FAM83F: variants seen among roughly 807,000 people sequenced by gnomAD.
FAM83F encodes scaffolding CK1 anchoring protein F.
A neutral mutation model predicts 42.9 loss-of-function variants in FAM83F; 45 were observed. The observed-to-expected ratio is 1.05, with a 90% CI of 0.83 to 1.35. The LOEUF is 1.35. Among genes scored for constraint, FAM83F ranks in the 40% most tolerant of loss-of-function variants. The pLI is 0.00. For missense variants in FAM83F, 617 were observed against 695.9 expected, an observed-to-expected ratio of 0.89 and a Z score of 1.28; for synonymous variants, 306 against 298.3, an observed-to-expected ratio of 1.03 and a Z score of -0.27.
At chr22:40,013,432 T>C (rs2067477757) in intron 1 of FAM83F, among the ~76,000 whole-genome samples, 1 of 152,236 alleles carries the variant, frequency 6.6e-6, no homozygotes, top group Non-Finnish European at 1.5e-5. Context: ...TGTGTGTGGG[T>C]ATACATGTAT....
chr22:40,000,104 C>CT (rs1422342972), intron 1 of FAM83F, among the ~76,000 whole-genome samples: 1 of 152,222 alleles, frequency 6.6e-6, no homozygotes, highest in Admixed American at 6.5e-5. Flanking sequence ...TGAAAACTGT[C>CT]TTCTATTGGC....
chr22:40,015,082 T>C (rs1411586386), intron 1 of FAM83F, among the ~76,000 whole-genome samples: 1 of 152,084 alleles, frequency 6.6e-6, no homozygotes, highest in Non-Finnish European at 1.5e-5. Context: ...ATGGGCATGT[T>C]TGTGTGTGTG....
intron 1 of FAM83F, among the ~76,000 whole-genome samples, chr22:40,014,789 A>G (rs1414693214): frequency 2.0e-5 from 3 of 152,186 alleles, no homozygotes; most frequent in Non-Finnish European, 4.4e-5. Context: ...ATCTCTAGGA[A>G]GCAGTGAAAT....
rs2067451594 is a variant in FAM83F, at chr22:40,009,388, A to AG, written c.490-9777dup. Among the ~76,000 whole-genome samples, 5 of 152,316 alleles carry AG rather than the reference A, an allele frequency of 3.3e-5. No individual in the cohort carries two copies. In the South Asian group the frequency reaches 1.0e-3, roughly 32 times the overall value. ...CCCGAGTCCTGAGCTCCACGTCAGC[A>AG]GGGCAAGGGGACGGATGGTGTTGTC... On this transcript the variant is annotated intron_variant, in intron 1 of 4. Coordinates refer to ENST00000333407, the MANE Select transcript of FAM83F (RefSeq NM_138435.4).
Position 39,997,285 on chromosome 22 carries a change from C to T in FAM83F, c.489+1754C>T, listed in dbSNP as rs570524513. 2.0e-5 allele frequency among the ~76,000 whole-genome samples: 3 copies of T among 152,332 alleles called. No homozygotes were observed. In the South Asian group the frequency reaches 6.2e-4, roughly 32 times the overall value. On this transcript the variant is annotated intron_variant, in intron 1 of 4. Transcript: ENST00000333407. Reference sequence around the variant, plus strand: ...AACCTGGAGTGCAGGTGGTGTACCCCTGTTACTAGAAGGGGGAGACTGGGC... The same window carrying T: ...AACCTGGAGTGCAGGTGGTGTACCCTTGTTACTAGAAGGGGGAGACTGGGC...
intron 1 of FAM83F, 84 bp from the exon 2 acceptor site, chr22:40,019,084 G>C (rs2067505651): frequency 2.0e-6 from 3 of 1,530,668 alleles, no homozygotes; most frequent in African/African-American, 2.7e-5. Context: ...AGTGACCCCA[G>C]GGCGAGGTGG....
rs1300853733 is a variant in FAM83F, at chr22:39,995,270, C to T, written c.228C>T (p.Asp76=). The change falls in exon 1 of 5, where the codon GAC becomes GAT. Residue 76 remains aspartate (D), a synonymous_variant. Transcript: ENST00000333407. This position sits in a 1 kb window ranked among gnomAD's most constrained non-coding sequence, Gnocchi z 4.6. ...GGGCCGCCTGGAGCCCCTACGAGGA[C>T]GCCGTCCCCGCCGCCAACGCCCGGG... ...ALRAAWSPYE[D]AVPAANARGK... 6.5e-7 allele frequency: 1 copy of T among 1,535,496 alleles called. No homozygotes were observed. Among genetic ancestry groups the T allele is most frequent in the Non-Finnish European group, 8.7e-7 (1 of 1,145,826 alleles).
chr22:40,025,956 C>G (rs1410062900), intron 4 of FAM83F, among the ~76,000 whole-genome samples: 2 of 152,302 alleles, frequency 1.3e-5, no homozygotes, highest in East Asian at 3.9e-4. Flanking sequence ...ACCCAGTTCC[C>G]CCAGGGAGAT....
At position 40,023,347 on chromosome 22, in the gene FAM83F, AGCTGCT is replaced by A. The variant is rs570808507; in HGVS notation, c.1453+1400_1453+1405del. 7.3e-6 allele frequency among the ~76,000 whole-genome samples: 1 copy of A among 136,420 alleles called. No individual in the cohort carries two copies. Among genetic ancestry groups the A allele is most frequent in the African/African-American group, 2.9e-5 (1 of 34,656 alleles). 89.5% of individuals were successfully genotyped at this position (136,420 alleles called of 152,430 possible). A position where few individuals can be genotyped will look rare whatever the true frequency, so the allele number is the denominator to read the frequency against. ...TGGGCTCCCTGGCTCCCCTAACACCAGCTGCTGCTGCTGCTGCTGCTCCTGCTCTGT... is the reference window on the plus strand; with the variant it reads ...TGGGCTCCCTGGCTCCCCTAACACCAGCTGCTGCTGCTGCTCCTGCTCTGT... On this transcript the variant is annotated intron_variant, in intron 4 of 4. Transcript: ENST00000333407. The surrounding 1 kb of genome is among the most constrained non-coding windows in gnomAD (Gnocchi z 4.1).
intron 1 of FAM83F, among the ~76,000 whole-genome samples, chr22:40,008,478 A>T (rs1318343251): frequency 6.6e-6 from 1 of 151,968 alleles, no homozygotes; most frequent in Non-Finnish European, 1.5e-5. Flanking sequence ...TCACCTCCCC[A>T]CTCTAAAATG....
chr22:39,996,143 G>T (rs1029458877), intron 1 of FAM83F, among the ~76,000 whole-genome samples: 6 of 152,172 alleles, frequency 3.9e-5, no homozygotes, highest in Non-Finnish European at 7.3e-5. Context: ...CTGGCCCTGT[G>T]CTGGGCGCCT....
At chr22:40,015,719 C>T (rs932651312) in intron 1 of FAM83F, among the ~76,000 whole-genome samples, 2 of 152,164 alleles carry the variant, frequency 1.3e-5, no homozygotes, top group African/African-American at 4.8e-5. Flanking sequence ...TTGGTAAAGT[C>T]TTATCCTCCC....
intron 1 of FAM83F, among the ~76,000 whole-genome samples, chr22:40,008,155 C>T (rs899892247): frequency 6.6e-6 from 1 of 152,214 alleles, no homozygotes; most frequent in African/African-American, 2.4e-5. Flanking sequence ...CTGGAAGTGT[C>T]GTGTTCCCTG....
At chr22:40,020,220 C>T (rs576147825) in intron 3 of FAM83F, among the ~76,000 whole-genome samples, 3 of 152,128 alleles carry the variant, frequency 2.0e-5, no homozygotes, top group Non-Finnish European at 4.4e-5. Context: ...CTAGGCATTA[C>T]GCACTGTCTG....
Position 40,004,492 on chromosome 22 carries a change from G to A in FAM83F, c.489+8961G>A, listed in dbSNP as rs191702068. ...TAATTTTTGTATTTTTAGTAGAGAC[G>A]TGGTTTCACCATGTTGCCCAGGCTG... On this transcript the variant is annotated intron_variant, in intron 1 of 4. Transcript: ENST00000333407. Among the ~76,000 whole-genome samples, 90 of 152,068 alleles carry A rather than the reference G, an allele frequency of 5.9e-4. 1 individual carries two copies. The highest frequency in any genetic ancestry group is 3.4e-3 in the Admixed American group (52 of 15,270).
At position 39,995,637 on chromosome 22, in the gene FAM83F, T is replaced by C; in HGVS notation, c.489+106T>C. 2 of 1,429,220 alleles carry C rather than the reference T, an allele frequency of 1.4e-6. No individual in the cohort carries two copies. Among genetic ancestry groups the C allele is most frequent in the Non-Finnish European group, 1.8e-6 (2 of 1,092,230 alleles). 88.5% of individuals were successfully genotyped at this position (1,429,220 alleles called of 1,614,324 possible). ...CCGGGGCAGGCCGCCCTGAGCACCC[T>C]CTGGAAAATGGGCCCCAACCCGCCC... On this transcript the variant is annotated intron_variant, in intron 1 of 4. Coordinates refer to ENST00000333407, the MANE Select transcript of FAM83F (RefSeq NM_138435.4). This position sits in a 1 kb window ranked among gnomAD's most constrained non-coding sequence, Gnocchi z 4.6.
At chr22:40,018,738 C>T (rs970884305) in intron 1 of FAM83F, among the ~76,000 whole-genome samples, 2 of 152,090 alleles carry the variant, frequency 1.3e-5, no homozygotes, top group Non-Finnish European at 2.9e-5. Flanking sequence ...ATTACAGGTG[C>T]CCGCTACCAT....
At chr22:40,000,400 T>C (rs1434021372) in intron 1 of FAM83F, among the ~76,000 whole-genome samples, 1 of 152,146 alleles carries the variant, frequency 6.6e-6, no homozygotes, top group African/African-American at 2.4e-5. Flanking sequence ...CCCCCGGGCA[T>C]GGCAAAGTCT....
chr22:40,004,459 C>T (rs1423908201), intron 1 of FAM83F, among the ~76,000 whole-genome samples: 4 of 152,096 alleles, frequency 2.6e-5, no homozygotes, highest in African/African-American at 9.7e-5. Context: ...TGTGCCACCA[C>T]ACCTGGCTAA....
Sources: allele counts gnomAD v4.1 joint callset (sites outside exome capture counted in the v4.1 genomes callset), GRCh38; gene constraint gnomAD v4.1.1; non-coding constraint Gnocchi (gnomAD v3.1); transcripts MANE v1.5; gene names NCBI Gene and HGNC (gene_info 2026-07-23, HGNC 2026-07-21).